RGL1: variants seen among roughly 807,000 people sequenced by gnomAD.
RGL1 encodes the protein ral guanine nucleotide dissociation stimulator like 1, also known as ral guanine nucleotide dissociation stimulator-like 1.
Under a neutral mutation model 95.2 loss-of-function variants are expected in RGL1, and 24 were observed. That is an observed-to-expected ratio of 0.25 (90% CI 0.18 to 0.35). The LOEUF is 0.35. Among genes scored for constraint, RGL1 ranks in the 10% least tolerant of loss-of-function variants. The probability of loss-of-function intolerance (pLI) is 1.00; values close to 1 mark genes in which losing one functional copy is unlikely to be tolerated. For missense variants in RGL1, 715 were observed against 936.3 expected (o/e 0.76, Z 3.08); for synonymous variants, 329 against 344.9 (o/e 0.95, Z 0.51).
intron 1 of RGL1, among the ~76,000 whole-genome samples, chr1:183,664,575 T>A: frequency 2.1e-5 from 1 of 47,420 alleles, no homozygotes; most frequent in South Asian, 1.1e-3. Context: ...AGGGCATACT[T>A]TTTTTTTTTT....
At chr1:183,802,600 C>CTAAA (rs761169468), upstream of RGL1, among the ~76,000 whole-genome samples, 1 of 90,068 alleles carries the variant, frequency 1.1e-5, no homozygotes, top group Non-Finnish European at 2.2e-5. Context: ...GGTGTATCAG[C>CTAAA]AAAAAAAAAA....
At chr1:183,746,437 TAA>T (rs1472258207) in intron 2 of RGL1, among the ~76,000 whole-genome samples, 5 of 152,070 alleles carry the variant, frequency 3.3e-5, no homozygotes, top group Non-Finnish European at 2.9e-5. Flanking sequence ...ATTATGTTTA[TAA>T]AATTTTTAAG....
At chr1:183,726,202 C>G (rs1656302163) in intron 1 of RGL1, among the ~76,000 whole-genome samples, 1 of 151,874 alleles carries the variant, frequency 6.6e-6, no homozygotes, top group African/African-American at 2.4e-5. Context: ...GAAGAAAACT[C>G]TATAAGCAAC....
At chr1:183,840,501 C>T (rs1663976268) in intron 2 of RGL1, among the ~76,000 whole-genome samples, 1 of 152,046 alleles carries the variant, frequency 6.6e-6, no homozygotes, top group Admixed American at 6.6e-5. Flanking sequence ...GTTTTCATGA[C>T]TTTTTTAATG....
intron 14 of RGL1, 106 bp downstream of exon 14, chr1:183,907,207 A>G (rs1668386140): frequency 2.9e-6 from 2 of 689,830 alleles, no homozygotes; most frequent in Non-Finnish European, 5.2e-6. Flanking sequence ...AGTGAAGAGC[A>G]CTCCGCTCAT....
intron 1 of RGL1, among the ~76,000 whole-genome samples, chr1:183,708,336 A>G (rs1159719268): frequency 6.6e-6 from 1 of 152,056 alleles, no homozygotes; most frequent in African/African-American, 2.4e-5. Context: ...TGCCTTTTTC[A>G]AGGCCTTGTT....
rs1668097457 is a variant in RGL1 at position 183,902,695 on chromosome 1, G to A, written c.1350+95G>A. 12 of 1,172,022 alleles carry A rather than the reference G, an allele frequency of 1.0e-5. No homozygotes were observed. In the East Asian group the frequency reaches 2.8e-4, roughly 28 times the overall value. The allele number at this position is 1,172,022 out of a possible 1,614,324, so 72.6% of individuals were successfully genotyped here. ...TTTTTTTGTAGAGGCAGAAAAAAAT[G>A]AGTTAGCACCTACTGAACGTTTATC... On this transcript the variant is annotated intron_variant, in intron 12 of 17. Transcript: ENST00000360851.
At chr1:183,922,474 A>G in intron 17 of RGL1, 138 bp downstream of exon 17, 1 of 660,438 alleles carries the variant, frequency 1.5e-6, no homozygotes, top group Non-Finnish European at 2.7e-6. Flanking sequence ...TGATAGTGCA[A>G]GGGTGAACAA....
chr1:183,686,458 G>C (rs12239186), intron 1 of RGL1, among the ~76,000 whole-genome samples: 7,012 of 151,984 alleles, frequency 0.046, 211 homozygotes, highest in African/African-American at 0.085. Context: ...AAGATAACTG[G>C]GAATTTCATT....
chr1:183,825,416 G>A (rs1374361671), intron 2 of RGL1, among the ~76,000 whole-genome samples: 1 of 152,154 alleles, frequency 6.6e-6, no homozygotes, highest in Admixed American at 6.5e-5. Flanking sequence ...AGTCAGAAAA[G>A]CATAGCTAGG....
At chr1:183,693,770 G>T (rs1654099620) in intron 1 of RGL1, among the ~76,000 whole-genome samples, 1 of 152,086 alleles carries the variant, frequency 6.6e-6, no homozygotes, top group South Asian at 2.1e-4. Flanking sequence ...CCTGTTTCAG[G>T]CAGTAAAGTG....
intron 1 of RGL1, among the ~76,000 whole-genome samples, chr1:183,699,343 G>A (rs1466723484): frequency 1.3e-5 from 2 of 152,170 alleles, no homozygotes; most frequent in Admixed American, 1.3e-4. Context: ...ATCAAGGCTT[G>A]TTCCAAAATT....
At chr1:183,766,350 T>TA (rs1469243255) in intron 2 of RGL1, among the ~76,000 whole-genome samples, 1 of 151,904 alleles carries the variant, frequency 6.6e-6, no homozygotes, top group Non-Finnish European at 1.5e-5. Flanking sequence ...TTTTTTTTTT[T>TA]ACTACTACTT....
intron 15 of RGL1, among the ~76,000 whole-genome samples, chr1:183,913,280 C>T (rs1399080148): frequency 7.3e-6 from 1 of 136,630 alleles, no homozygotes; most frequent in Admixed American, 8.1e-5. Context: ...ACTACAACCT[C>T]TGTCTTCTGG....
At chr1:183,796,764 A>G (rs923914961) in intron 2 of RGL1, among the ~76,000 whole-genome samples, 3 of 152,166 alleles carry the variant, frequency 2.0e-5, no homozygotes, top group Non-Finnish European at 4.4e-5. Context: ...TCCTTCCTCA[A>G]TTTTGGTCAA....
chr1:183,906,730 A>T (rs996588573), intron 13 of RGL1, among the ~76,000 whole-genome samples: 2 of 152,148 alleles, frequency 1.3e-5, no homozygotes, highest in African/African-American at 4.8e-5. Flanking sequence ...TTAGTTTTTG[A>T]TGCTGCCAAA....
At chr1:183,907,719 T>A (rs909776008) in intron 14 of RGL1, among the ~76,000 whole-genome samples, 2 of 152,200 alleles carry the variant, frequency 1.3e-5, no homozygotes, top group African/African-American at 4.8e-5. Flanking sequence ...TCCAGTGGAA[T>A]GTAAGCAACC....
chr1:183,859,512 A>G (rs867977808), intron 3 of RGL1, among the ~76,000 whole-genome samples: 1 of 152,180 alleles, frequency 6.6e-6, no homozygotes. Flanking sequence ...CAGAAATATC[A>G]GGTACTCTTT....
At chr1:183,693,069 C>T (rs1654051739) in intron 1 of RGL1, among the ~76,000 whole-genome samples, 1 of 151,924 alleles carries the variant, frequency 6.6e-6, no homozygotes, top group South Asian at 2.1e-4. Flanking sequence ...ATTCTTCTGC[C>T]CCAGCCTACT....
Sources: gnomAD v4.1 joint callset for allele counts (sites outside exome capture counted in the v4.1 genomes callset) on GRCh38, gnomAD v4.1.1 for gene constraint, MANE v1.5 for transcripts, NCBI Gene and HGNC (gene_info 2026-07-23, HGNC 2026-07-21) for gene names.